Variants in TSPAN1 observed in about 807,000 individuals in gnomAD.
TSPAN1 encodes the protein tetraspanin-1.
In TSPAN1, 23 loss-of-function variants were observed where a neutral mutation model predicts 26.9. That is an observed-to-expected ratio of 0.85 (90% CI 0.62 to 1.21). TSPAN1 has a LOEUF of 1.21. Ranked by LOEUF, TSPAN1 falls within the 50% of genes most tolerant of loss-of-function variation. The pLI is 0.00. For synonymous variants in TSPAN1, 115 were observed against 114.8 expected, an observed-to-expected ratio of 1.00 and a Z score of -0.01; for missense variants, 283 against 298.4, an observed-to-expected ratio of 0.95 and a Z score of 0.38.
chr1:46,194,310 G>A, the TSPAN1 span: 2 of 1,614,212 alleles, frequency 1.2e-6, no homozygotes, highest in Non-Finnish European at 1.7e-6. Context: ...TGGGGTCCTT[G>A]CAGCTGCATA....
the TSPAN1 span, chr1:46,194,189 G>C: frequency 6.2e-7 from 1 of 1,609,666 alleles, no homozygotes; most frequent in Non-Finnish European, 8.5e-7. Flanking sequence ...GCTCAGGTAG[G>C]GAAAGCCCAA....
chr1:46,189,872 G>A, downstream of TSPAN1: 9 of 1,613,930 alleles, frequency 5.6e-6, no homozygotes, highest in Non-Finnish European at 7.6e-6. Flanking sequence ...GCTGGGTCCA[G>A]GTGGTGAAGT....
rs1265748852 is a variant in TSPAN1 at position 46,175,285 on chromosome 1, G to A, written c.-266G>A. 3.5e-6 allele frequency: 1 copy of A among 284,910 alleles called. No homozygotes were observed. The highest frequency in any genetic ancestry group is 2.2e-5 in the African/African-American group (1 of 45,952). 17.6% of individuals were successfully genotyped at this position (284,910 alleles called of 1,614,324 possible). A position where few individuals can be genotyped will look rare whatever the true frequency, so the allele number is the denominator to read the frequency against. ...CTGTGCAGTTAGGAGTGTAAGGCAA[G>A]AGAGCCCCTACTTCATGGGGCAGAT... On this transcript the variant is annotated 5_prime_UTR_variant, in exon 1 of 9. Transcript: ENST00000372003.
At chr1:46,194,062 G>C in the TSPAN1 span, 1 of 1,544,450 alleles carries the variant, frequency 6.5e-7, no homozygotes, top group Non-Finnish European at 8.8e-7. Context: ...CCCTGTTCTG[G>C]GCTCTCCACA....
chr1:46,183,005 C>T (rs933785780), intron 3 of TSPAN1, among the ~76,000 whole-genome samples: 6 of 152,020 alleles, frequency 3.9e-5, no homozygotes, highest in Admixed American at 6.6e-5. Context: ...TTTGTAGAGG[C>T]GGTCTCACTA....
chr1:46,184,674 A>G lies in TSPAN1; in HGVS notation c.339+6A>G. 1.9e-6 allele frequency: 3 copies of G among 1,614,146 alleles called. No individual in the cohort carries two copies. Among genetic ancestry groups the G allele is most frequent in the Non-Finnish European group, 1.7e-6 (2 of 1,180,026 alleles). ...CCTTGGTGTACACCACAATGGTGAG[A>G]CACTGGGATGGAGGAAGGGAAGAAG... On this transcript the variant is annotated splice_donor_region_variant and intron_variant, in intron 5 of 8. Transcript: ENST00000372003.
At chr1:46,181,021 G>C (rs1657303837) in intron 2 of TSPAN1, 79 bp from the exon 3 acceptor site, 1 of 1,264,976 alleles carries the variant, frequency 7.9e-7, no homozygotes, top group Non-Finnish European at 1.1e-6. Context: ...GGCATATCTG[G>C]CTGAATATCT....
intron 1 of TSPAN1, chr1:46,176,509 T>A: frequency 6.5e-7 from 1 of 1,532,844 alleles, no homozygotes; most frequent in African/African-American, 1.4e-5. Context: ...TGGGGGGTGC[T>A]GTTGGCCAGG....
At chr1:46,185,408 C>A in intron 8 of TSPAN1, 78 bp from the exon 9 acceptor site, 1 of 1,608,590 alleles carries the variant, frequency 6.2e-7, no homozygotes, top group African/African-American at 1.3e-5. Context: ...CTAACTGGGC[C>A]TCAGGTAGGG....
intron 1 of TSPAN1, among the ~76,000 whole-genome samples, chr1:46,177,212 G>A (rs1015064988): frequency 4.6e-5 from 7 of 152,030 alleles, no homozygotes; most frequent in Admixed American, 1.3e-4. Flanking sequence ...GTGGGTGCCT[G>A]TAGTCCCAGC....
chr1:46,194,372 GCT>G, the TSPAN1 span: 3 of 1,614,270 alleles, frequency 1.9e-6, no homozygotes, highest in Non-Finnish European at 2.5e-6. Context: ...CGACGGTTCA[GCT>G]CTGTGTCTGC....
the TSPAN1 span, chr1:46,194,010 TA>T: frequency 6.3e-7 from 1 of 1,585,416 alleles, no homozygotes; most frequent in Non-Finnish European, 8.6e-7. Context: ...CAGGTGAGGG[TA>T]GGTGCAGACT....
At chr1:46,189,462 A>T, downstream of TSPAN1, 2 of 1,613,684 alleles carry the variant, frequency 1.2e-6, no homozygotes, top group Non-Finnish European at 1.7e-6. Flanking sequence ...ACTCACGAGT[A>T]GGGGGAAGCC....
chr1:46,185,572 A>G lies in TSPAN1; in HGVS notation c.*39A>G. 1 of 1,610,348 alleles carries G rather than the reference A, an allele frequency of 6.2e-7. No homozygotes were observed. The highest frequency in any genetic ancestry group is 1.1e-5 in the South Asian group (1 of 90,966). Reference sequence around the variant, plus strand: ...TCTGCCACTACTGCTGCCACATGGGAACTGTGAAGAGGCACCCTGGCAAGC... The same window carrying G: ...TCTGCCACTACTGCTGCCACATGGGGACTGTGAAGAGGCACCCTGGCAAGC... On this transcript the variant is annotated 3_prime_UTR_variant, in exon 9 of 9. Coordinates refer to ENST00000372003, the MANE Select transcript of TSPAN1 (RefSeq NM_005727.4).
rs1356606773 is a variant in TSPAN1, at chr1:46,184,266, C to T, written c.133C>T (p.Pro45Ser). The T allele has an allele frequency of 1.9e-6, 3 of 1,614,056 alleles. No homozygotes were observed. Among genetic ancestry groups the T allele is most frequent in the Non-Finnish European group, 2.5e-6 (3 of 1,180,046 alleles). Residue 45 changes from proline (P) to serine (S), a missense_variant, in exon 4 of 9, where the codon CCA (proline) becomes TCA (serine). Physicochemically the swap from Pro to Ser is moderately conservative, Grantham distance 74 (BLOSUM62 -1). Coordinates refer to ENST00000372003, the MANE Select transcript of TSPAN1 (RefSeq NM_005727.4). ...GGCATCCTTTCTGAAGATCTTCGGG[C>T]CACTGTCGTCCAGTGCCATGCAGTT... ...DGASFLKIFG[P>S]LSSSAMQFVN...
chr1:46,194,392 C>T, the TSPAN1 span: 1 of 1,614,220 alleles, frequency 6.2e-7, no homozygotes, highest in South Asian at 1.1e-5. Context: ...TGCCCAGTGG[C>T]ACTCTGCCTC....
chr1:46,183,947 G>A (rs1657367532), intron 3 of TSPAN1: 1 of 567,006 alleles, frequency 1.8e-6, no homozygotes, highest in South Asian at 2.1e-5. Flanking sequence ...CCACCCTGAG[G>A]ATATTTCTAG....
chr1:46,194,568 A>G, the TSPAN1 span: 1 of 1,614,052 alleles, frequency 6.2e-7, no homozygotes, highest in Non-Finnish European at 8.5e-7. Flanking sequence ...GCTGAGCTCA[A>G]TGGCACATCT....
downstream of TSPAN1, chr1:46,188,882 G>A (rs1476970349): frequency 1.2e-6 from 2 of 1,612,838 alleles, no homozygotes; most frequent in Admixed American, 1.7e-5. Flanking sequence ...CACCCTCAGG[G>A]CAGCATTCCA....
Sources: gnomAD v4.1 joint callset for allele counts (sites outside exome capture counted in the v4.1 genomes callset) on GRCh38, gnomAD v4.1.1 for gene constraint, MANE v1.5 for transcripts, NCBI Gene and HGNC (gene_info 2026-07-23, HGNC 2026-07-21) for gene names.